Variants in HHAT observed in about 807,000 individuals in gnomAD.
HHAT encodes the protein protein-cysteine N-palmitoyltransferase HHAT.
A neutral mutation model predicts 70.8 loss-of-function variants in HHAT; 47 were observed. The observed-to-expected ratio is 0.66, with a 90% confidence interval of 0.53 to 0.85. HHAT has a LOEUF of 0.85. HHAT is among the 40% of genes least tolerant of loss of function. HHAT has a pLI of 0.00. For missense variants in HHAT, 609 were observed against 604.8 expected (o/e 1.01, Z -0.07); for synonymous variants, 228 against 247.6 (o/e 0.92, Z 0.74).
Position 210,464,142 on chromosome 1 carries a change from TC to T in HHAT, c.857-362del, listed in dbSNP as rs2094043393. On this transcript the variant is annotated intron_variant, in intron 7 of 11. Transcript: ENST00000261458. ...TATTCGGTCAAATACTAGAACTTAT[TC>T]TTTTTTTTTTTGTACCCATTATCAT... 2.6e-5 allele frequency among the ~76,000 whole-genome samples: 4 copies of T among 151,990 alleles called. No individual in the cohort carries two copies. In the South Asian group the frequency reaches 8.3e-4, roughly 32 times the overall value.
intron 9 of HHAT, among the ~76,000 whole-genome samples, chr1:210,548,772 G>A (rs2095504700): frequency 6.6e-6 from 1 of 152,210 alleles, no homozygotes; most frequent in South Asian, 2.1e-4. Flanking sequence ...CTGTTAAGAA[G>A]GTAGATCACG....
intron 9 of HHAT, among the ~76,000 whole-genome samples, chr1:210,581,975 C>A (rs565361646): frequency 1.3e-5 from 2 of 152,232 alleles, no homozygotes; most frequent in African/African-American, 2.4e-5. Context: ...ATGAATCTTA[C>A]AATTGAGTTA....
intron 7 of HHAT, 123 bp from the exon 8 acceptor site, chr1:210,464,382 T>G: frequency 2.2e-6 from 2 of 898,486 alleles, no homozygotes; most frequent in Non-Finnish European, 3.5e-6. Context: ...AATGTGCGAG[T>G]TGAAGGGAGG....
At chr1:210,377,293 TG>T (rs2090304253) in intron 3 of HHAT, among the ~76,000 whole-genome samples, 1 of 152,140 alleles carries the variant, frequency 6.6e-6, no homozygotes, top group African/African-American at 2.4e-5. Flanking sequence ...ATCTCCAATT[TG>T]TTTATCACCT....
At chr1:210,489,530 CGTT>C (rs1169353140) in intron 8 of HHAT, among the ~76,000 whole-genome samples, 13 of 152,190 alleles carry the variant, frequency 8.5e-5, no homozygotes, top group African/African-American at 2.2e-4. Flanking sequence ...ATTGTCCCCA[CGTT>C]GTTATTATTT....
chr1:210,497,392 G>A (rs1342890192), intron 8 of HHAT, among the ~76,000 whole-genome samples: 1 of 152,210 alleles, frequency 6.6e-6, no homozygotes, highest in African/African-American at 2.4e-5. Flanking sequence ...TAGTTAAACA[G>A]TTAAAAGACC....
chr1:210,638,722 C>CA (rs71146238), intron 11 of HHAT, among the ~76,000 whole-genome samples: 4,242 of 95,232 alleles, frequency 0.045, 149 homozygotes, highest in African/African-American at 0.082. Context: ...CCTGTATTTA[C>CA]AAAAAAAAAA....
intron 9 of HHAT, among the ~76,000 whole-genome samples, chr1:210,569,323 G>T (rs1395757625): frequency 1.5e-5 from 2 of 130,164 alleles, no homozygotes; most frequent in Non-Finnish European, 3.1e-5. Context: ...GCAGTAAGCC[G>T]AGATTGTGCC....
intron 8 of HHAT, among the ~76,000 whole-genome samples, chr1:210,489,297 A>G (rs1322577884): frequency 1.3e-5 from 2 of 152,168 alleles, no homozygotes. Context: ...GGGGAGATTA[A>G]ACTGGAGGGA....
chr1:210,637,953 A>G (rs1035950009), intron 11 of HHAT, among the ~76,000 whole-genome samples: 5 of 152,188 alleles, frequency 3.3e-5, no homozygotes, highest in Non-Finnish European at 5.9e-5. Flanking sequence ...GACATTCAGC[A>G]TCGTTAGACT....
chr1:210,414,688 A>G (rs1436655845), intron 6 of HHAT, among the ~76,000 whole-genome samples: 2 of 152,104 alleles, frequency 1.3e-5, no homozygotes, highest in Non-Finnish European at 2.9e-5. Context: ...TATTCACAAC[A>G]TTGTAAGATC....
intron 3 of HHAT, chr1:210,374,212 A>G (rs765457100): frequency 6.6e-6 from 1 of 152,172 alleles, no homozygotes; most frequent in Admixed American, 6.5e-5. Context: ...GTTTCTCTCC[A>G]CGGAAATCTT....
chr1:210,644,463 C>CT (rs1673620367), intron 11 of HHAT, among the ~76,000 whole-genome samples: 1 of 151,498 alleles, frequency 6.6e-6, no homozygotes, highest in Non-Finnish European at 1.5e-5. Context: ...ATTAGCTAGG[C>CT]GTGGTGGTGG....
rs568783486 is a variant in HHAT, at chr1:210,517,061, A to G, written c.1043+3873A>G. Among the ~76,000 whole-genome samples the G allele has an allele frequency of 2.8e-4, 43 of 152,030 alleles. No individual in the cohort carries two copies. In the South Asian group the frequency reaches 8.7e-3, roughly 31 times the overall value. On this transcript the variant is annotated intron_variant, in intron 9 of 11. Transcript: ENST00000261458. Reference sequence around the variant, plus strand: ...ATCATAGACAGAAGCAGCAATCACAACTCACCTAGGGATGGCCTCAGAAGA... The same window carrying G: ...ATCATAGACAGAAGCAGCAATCACAGCTCACCTAGGGATGGCCTCAGAAGA...
At chr1:210,471,023 T>C (rs1333679923) in intron 8 of HHAT, among the ~76,000 whole-genome samples, 2 of 152,212 alleles carry the variant, frequency 1.3e-5, no homozygotes, top group Admixed American at 1.3e-4. Context: ...TGTTTAATGC[T>C]GTAACCGTAG....
At chr1:210,654,138 T>C (rs77114962) in intron 11 of HHAT, among the ~76,000 whole-genome samples, 4 of 470 alleles carry the variant, frequency 8.5e-3, no homozygotes, top group South Asian at 0.045. Flanking sequence ...AATAGTGTGA[T>C]GGGAATAGTG....
rs571263803 is a variant in HHAT at position 210,438,978 on chromosome 1, A to G, written c.856+20653A>G. On this transcript the variant is annotated intron_variant, in intron 7 of 11. Transcript: ENST00000261458. The stretch of plus-strand genomic sequence containing the variant: ...CCTCATGATCAGTTGCCCTTCTCCA[A>G]ACATCCCAGTGAATCAGAGCATCTG... 6.6e-4 allele frequency among the ~76,000 whole-genome samples: 101 copies of G among 151,984 alleles called. 2 individuals are homozygous for G. The highest frequency in any genetic ancestry group is 2.3e-3 in the African/African-American group (94 of 41,256).
rs1171507665 is a variant in HHAT at position 210,464,551 on chromosome 1, G to A, written c.903G>A (p.Leu301=). Residue 301 remains leucine (L), a synonymous_variant, in exon 8 of 12, where the codon TTG becomes TTA. Coordinates refer to ENST00000261458, the MANE Select transcript of HHAT (RefSeq NM_018194.6). The part of the protein sequence containing the change: ...AQVLFFYVKY[L]VLFGVPALLM... ...TGCTCTTTTTCTACGTGAAGTACTT[G>A]GTGCTCTTTGGCGTGCCTGCTCTGC... 3.7e-6 allele frequency: 6 copies of A among 1,614,118 alleles called. No individual in the cohort carries two copies. In the East Asian group the frequency reaches 1.1e-4, roughly 30 times the overall value.
At chr1:210,398,361 C>T (rs942949866) in intron 4 of HHAT, among the ~76,000 whole-genome samples, 2 of 152,064 alleles carry the variant, frequency 1.3e-5, no homozygotes, top group Non-Finnish European at 2.9e-5. Context: ...CATGTGAGAG[C>T]GTGTCCTGTG....
Sources: allele counts gnomAD v4.1 joint callset (sites outside exome capture counted in the v4.1 genomes callset), GRCh38; gene constraint gnomAD v4.1.1; transcripts MANE v1.5; gene names NCBI Gene and HGNC (gene_info 2026-07-23, HGNC 2026-07-21).